TCF20: variants seen among roughly 807,000 people sequenced by gnomAD.
TCF20 encodes transcription factor 20.
Under a neutral mutation model 148.6 loss-of-function variants are expected in TCF20, and 3 were observed. That is an observed-to-expected ratio of 0.02 (90% confidence interval 0.01 to 0.05). TCF20 has a LOEUF of 0.05. TCF20 is among the 10% of genes least tolerant of loss of function. The pLI is 1.00. For missense variants in TCF20, 2,350 were observed against 2,429.3 expected (o/e 0.97, Z 0.69); for synonymous variants, 1,049 against 909.5 (o/e 1.15, Z -2.76).
intron 1 of TCF20, among the ~76,000 whole-genome samples, chr22:42,266,814 T>A (rs1178872644): frequency 1.3e-5 from 2 of 151,916 alleles, no homozygotes; most frequent in African/African-American, 4.8e-5. Flanking sequence ...CACTACTAGG[T>A]TATGGAACCT....
chr22:42,206,023 C>T (rs2147181123), intron 2 of TCF20, among the ~76,000 whole-genome samples: 1 of 152,304 alleles, frequency 6.6e-6, no homozygotes, highest in South Asian at 2.1e-4. Context: ...ATCTGCCCAC[C>T]TCGGCCTCCC....
chr22:42,275,120 A>T (rs1395476937), upstream of TCF20: 2 of 152,246 alleles, frequency 1.3e-5, no homozygotes, highest in Non-Finnish European at 2.9e-5. Flanking sequence ...CTCAGCAAAC[A>T]CTGGAAAGAC....
At chr22:42,304,409 G>A (rs1368380640) in intron 1 of TCF20, among the ~76,000 whole-genome samples, 1 of 152,188 alleles carries the variant, frequency 6.6e-6, no homozygotes, top group East Asian at 1.9e-4. Context: ...TGCTGGGGGT[G>A]TTGGGAGACA....
At chr22:42,323,360 G>A (rs1305432734) in intron 1 of TCF20, among the ~76,000 whole-genome samples, 1 of 151,832 alleles carries the variant, frequency 6.6e-6, no homozygotes, top group Non-Finnish European at 1.5e-5. Flanking sequence ...CAGCATGGAG[G>A]GGCCATTCAG....
At chr22:42,240,752 A>G (rs1416436903) in intron 1 of TCF20, among the ~76,000 whole-genome samples, 1 of 152,166 alleles carries the variant, frequency 6.6e-6, no homozygotes, top group East Asian at 1.9e-4. Context: ...CTGAGGCCCC[A>G]TAGGGCTGCA....
Position 42,205,565 on chromosome 22 carries a change from T to G in TCF20, c.5655+4086A>C, listed in dbSNP as rs149010974. 9.8e-3 allele frequency among the ~76,000 whole-genome samples: 1,499 copies of G among 152,346 alleles called. 12 individuals carry two copies. Among genetic ancestry groups the G allele is most frequent in the Non-Finnish European group, 0.014 (919 of 68,036 alleles). ...ACCAAAACTGAATGCATCTATCTGC[T>G]AAAACCTAGTAAGATAAAACTAGAC... On this transcript the variant is annotated intron_variant, in intron 2 of 5. Transcript: ENST00000677622.
At chr22:42,179,761 G>T in intron 2 of TCF20, 59 bp from the exon 3 acceptor site, 2 of 1,110,304 alleles carry the variant, frequency 1.8e-6, no homozygotes, top group Non-Finnish European at 2.8e-6. Context: ...TCTCCTCCAG[G>T]CCTTCCCTGG....
At chr22:42,304,255 A>G (rs895419091) in intron 1 of TCF20, among the ~76,000 whole-genome samples, 1 of 152,244 alleles carries the variant, frequency 6.6e-6, no homozygotes, top group African/African-American at 2.4e-5. Context: ...TTCCACGGAA[A>G]AGATCAAAGC....
At chr22:42,289,313 C>CT (rs1484757637) in intron 1 of TCF20, among the ~76,000 whole-genome samples, 1 of 152,204 alleles carries the variant, frequency 6.6e-6, no homozygotes, top group East Asian at 1.9e-4. Flanking sequence ...CACCGACACA[C>CT]TCTGGGAGGT....
At chr22:42,276,339 A>C (rs560890630) in intron 1 of TCF20, 5 of 152,330 alleles carry the variant, frequency 3.3e-5, no homozygotes, top group African/African-American at 1.2e-4. Flanking sequence ...ACACCAGGGC[A>C]GCCTCCATTT....
chr22:42,209,980 C>T lies in TCF20; in HGVS notation c.5326G>A (p.Glu1776Lys), dbSNP rs1278503880. 1 of 1,613,568 alleles carries T rather than the reference C, an allele frequency of 6.2e-7. No homozygotes were observed. The highest frequency in any genetic ancestry group is 8.5e-7 in the Non-Finnish European group (1 of 1,180,026). ...GGGTGTGCGGCCAGGCTTCTCTGCT[C>T]CTTCTGCTGCTGCTGCTGCTCTTCC... Reference protein sequence around the residue: ...EEEEQQQQQKEQRSLAAHPRF... With the variant: ...EEEEQQQQQKKQRSLAAHPRF... Residue 1776 changes from glutamate (E) to lysine (K), a missense_variant, in exon 2 of 6, where the codon GAG (glutamate) becomes AAG (lysine). By Grantham distance (56) the Glu-to-Lys change is moderately conservative. Transcript: ENST00000677622.
rs1491280192 is a variant in TCF20 at position 42,242,227 on chromosome 22, A to AAAAAAAAAAAAT, written c.-36-26887_-36-26886insATTTTTTTTTTT. Among the ~76,000 whole-genome samples, 665 of 122,730 alleles carry AAAAAAAAAAAAT rather than the reference A, an allele frequency of 5.4e-3. 62 individuals are homozygous for AAAAAAAAAAAAT. Among genetic ancestry groups the AAAAAAAAAAAAT allele is most frequent in the African/African-American group, 0.018 (563 of 31,328 alleles). The allele number at this position is 122,730 out of a possible 152,430, so 80.5% of individuals were successfully genotyped here. On this transcript the variant is annotated intron_variant, in intron 1 of 5. Coordinates refer to ENST00000677622, the MANE Select transcript of TCF20 (RefSeq NM_001378418.1). ...CAAAAAAAAAAAAAAAAAAAAAAAA[A>AAAAAAAAAAAAT]CAGAAAAGAAAGGGTGACTACAAGG...
At chr22:42,307,737 A>G (rs1338141604) in intron 1 of TCF20, among the ~76,000 whole-genome samples, 1 of 152,018 alleles carries the variant, frequency 6.6e-6, no homozygotes, top group African/African-American at 2.4e-5. Context: ...TGCCACTCAC[A>G]CCCCTTGGGC....
At chr22:42,228,749 G>A (rs960545722) in intron 1 of TCF20, among the ~76,000 whole-genome samples, 1 of 152,226 alleles carries the variant, frequency 6.6e-6, no homozygotes, top group Non-Finnish European at 1.5e-5. Context: ...AGATAAAAAT[G>A]GGAAGGTCAT....
chr22:42,211,557 G>A lies in TCF20; in HGVS notation c.3749C>T (p.Pro1250Leu). The A allele has an allele frequency of 1.9e-6, 3 of 1,614,190 alleles. No homozygotes were observed. The highest frequency in any genetic ancestry group is 2.5e-6 in the Non-Finnish European group (3 of 1,180,028). Residue 1250 changes from proline to leucine, a missense_variant, in exon 2 of 6, where the codon CCC (proline) becomes CTC (leucine). Around this residue, in one of 7 missense-constraint regions of TCF20, gnomAD observed 1,641 missense variants for 1,662.6 expected, o/e 0.99. Coordinates refer to ENST00000677622, the MANE Select transcript of TCF20 (RefSeq NM_001378418.1). ...PGQEDHSSQN[P>L]LIMRRRVRSF... ...ACGAACACGCCTCCTCATGATTAAG[G>A]GGTTTTGAGAAGAATGATCCTCCTG...
chr22:42,199,965 T>TTTTTC (rs1382147974), intron 2 of TCF20, among the ~76,000 whole-genome samples: 1 of 65,900 alleles, frequency 1.5e-5, no homozygotes, highest in Non-Finnish European at 3.3e-5. Context: ...TTCTCTGGGT[T>TTTTTC]TTTTTTTATA....
chr22:42,177,492 C>G (rs1936521290), intron 3 of TCF20, among the ~76,000 whole-genome samples: 6 of 152,182 alleles, frequency 3.9e-5, no homozygotes. Context: ...GGGGAAAACA[C>G]CCACTGAAGG....
chr22:42,223,855 C>T (rs113691878), intron 1 of TCF20, among the ~76,000 whole-genome samples: 15 of 152,128 alleles, frequency 9.9e-5, no homozygotes, highest in Non-Finnish European at 1.9e-4. Flanking sequence ...ACTCTATGTC[C>T]TGTTTGCACA....
At chr22:42,164,253 C>T (rs565921823) in intron 5 of TCF20, among the ~76,000 whole-genome samples, 5 of 122,584 alleles carry the variant, frequency 4.1e-5, no homozygotes, top group East Asian at 4.9e-4. Context: ...CTCACTCTGT[C>T]GTCCAGGCTG....
Sources: allele counts gnomAD v4.1 joint callset (sites outside exome capture counted in the v4.1 genomes callset), GRCh38; gene constraint gnomAD v4.1.1; regional missense constraint gnomAD v4.1.1; transcripts MANE v1.5; gene names NCBI Gene and HGNC (gene_info 2026-07-23, HGNC 2026-07-21).